The following DCLK2 variants were observed in gnomAD, a reference collection of about 807,000 sequenced individuals.
DCLK2 encodes serine/threonine-protein kinase DCLK2.
A neutral mutation model predicts 78.4 loss-of-function variants in DCLK2; 31 were observed. That is an observed-to-expected ratio of 0.40 (90% CI 0.30 to 0.53). The LOEUF is 0.53. Among genes scored for constraint, DCLK2 ranks in the 20% least tolerant of loss-of-function variants. DCLK2 has a pLI of 0.61. For synonymous variants in DCLK2, 407 were observed against 374.9 expected (o/e 1.09, Z -0.99); for missense variants, 872 against 973.7 (o/e 0.90, Z 1.39).
intron 2 of DCLK2, among the ~76,000 whole-genome samples, chr4:150,147,437 C>T (rs1734560868): frequency 6.6e-6 from 1 of 152,104 alleles, no homozygotes; most frequent in Non-Finnish European, 1.5e-5. Context: ...TGTGAAAGAC[C>T]AGACCAAAAT....
At chr4:150,157,953 C>T (rs537017928) in intron 2 of DCLK2, among the ~76,000 whole-genome samples, 74 of 152,272 alleles carry the variant, frequency 4.9e-4, no homozygotes, top group African/African-American at 1.6e-3. Flanking sequence ...TTTATTCTAA[C>T]GAGATAAATA....
intron 1 of DCLK2, among the ~76,000 whole-genome samples, chr4:150,082,559 A>G (rs1048434354): frequency 4.6e-5 from 7 of 152,210 alleles, no homozygotes; most frequent in Non-Finnish European, 8.8e-5. Context: ...CCTTCAATTT[A>G]TTGATTTATC....
chr4:150,221,549 A>C (rs1344063612), intron 6 of DCLK2, 128 bp from the exon 7 acceptor site: 1 of 583,772 alleles, frequency 1.7e-6, no homozygotes, highest in Non-Finnish European at 2.9e-6. Context: ...AAATGTGTGC[A>C]GATATTTTAT....
intron 3 of DCLK2, among the ~76,000 whole-genome samples, chr4:150,196,304 G>A (rs754958399): frequency 1.5e-4 from 23 of 152,126 alleles, no homozygotes; most frequent in Non-Finnish European, 3.1e-4. Flanking sequence ...TACATATCCT[G>A]CTCATATAAA....
At chr4:150,080,372 A>C (rs1228362819) in intron 1 of DCLK2, among the ~76,000 whole-genome samples, 1 of 152,202 alleles carries the variant, frequency 6.6e-6, no homozygotes, top group African/African-American at 2.4e-5. Flanking sequence ...GAATTCCTGC[A>C]ATACGTATGC....
intron 7 of DCLK2, among the ~76,000 whole-genome samples, chr4:150,223,066 C>T (rs1741320844): frequency 6.6e-6 from 1 of 152,036 alleles, no homozygotes; most frequent in Non-Finnish European, 1.5e-5. Context: ...TACAGTTTTT[C>T]TGTTTTGTTA....
At chr4:150,103,792 T>A (rs997107879) in intron 2 of DCLK2, among the ~76,000 whole-genome samples, 2 of 152,160 alleles carry the variant, frequency 1.3e-5, no homozygotes, top group African/African-American at 4.8e-5. Flanking sequence ...ATTAGCAATT[T>A]TTTAAAAATA....
chr4:150,130,918 G>C (rs1468111602), intron 2 of DCLK2, among the ~76,000 whole-genome samples: 1 of 152,022 alleles, frequency 6.6e-6, no homozygotes, highest in Non-Finnish European at 1.5e-5. Context: ...CTGGCTACAG[G>C]TCCTAGCACA....
chr4:150,182,642 C>T (rs1303413627), intron 2 of DCLK2, among the ~76,000 whole-genome samples: 1 of 152,020 alleles, frequency 6.6e-6, no homozygotes, highest in African/African-American at 2.4e-5. Flanking sequence ...TGATAGAAAA[C>T]TTATATGTAG....
chr4:150,108,148 TTAAAG>T (rs1372487671), intron 2 of DCLK2, among the ~76,000 whole-genome samples: 1 of 152,202 alleles, frequency 6.6e-6, no homozygotes, highest in African/African-American at 2.4e-5. Flanking sequence ...TATTCTCCAC[TTAAAG>T]TAATTTTATT....
intron 3 of DCLK2, among the ~76,000 whole-genome samples, chr4:150,197,579 C>A (rs1230306348): frequency 2.0e-5 from 3 of 151,980 alleles, no homozygotes; most frequent in Admixed American, 6.6e-5. Context: ...CATAGTGAAA[C>A]CCCGTCTCTA....
At chr4:150,130,161 G>A (rs1053283414) in intron 2 of DCLK2, among the ~76,000 whole-genome samples, 2 of 152,108 alleles carry the variant, frequency 1.3e-5, no homozygotes, top group Non-Finnish European at 2.9e-5. Context: ...GAGCTCAGAA[G>A]TCCTTAATAT....
chr4:150,220,741 C>T lies in DCLK2; in HGVS notation c.1095C>T (p.Asn365=), dbSNP rs775714892. 3.9e-5 allele frequency: 63 copies of T among 1,613,780 alleles called. No homozygotes were observed. The highest frequency in any genetic ancestry group is 2.3e-4 in the African/African-American group (17 of 74,924). ...ATGGCAGATCTTCTTCCAATGTAAA[C>T]GGTGGACCTGAGCTTGACCGTTGCA... The part of the protein sequence containing the change: ...SAHGRSSSNV[N]GGPELDRCIS... The change falls in exon 6 of 16, where the codon AAC becomes AAT. Residue 365 remains asparagine (N), a synonymous_variant. Coordinates refer to ENST00000296550, the MANE Select transcript of DCLK2 (RefSeq NM_001040260.4).
chr4:150,079,967 C>T (rs1729125411), intron 1 of DCLK2, among the ~76,000 whole-genome samples: 1 of 152,142 alleles, frequency 6.6e-6, no homozygotes, highest in African/African-American at 2.4e-5. Context: ...AGGGATGATC[C>T]TAGACAGCAG....
Position 150,169,724 on chromosome 4 carries a change from A to G in DCLK2, c.757-23414A>G, listed in dbSNP as rs181778392. Among the ~76,000 whole-genome samples the G allele has an allele frequency of 1.4e-4, 21 of 151,636 alleles. 1 individual carries two copies. The East Asian group carries it at 4.1e-3, about 29-fold the overall frequency. Reference sequence around the variant, plus strand: ...CAGTGTGGGCACACAGCATTTATGGATAGAAATAGAAGTAGGGTACAGAAA... The same window carrying G: ...CAGTGTGGGCACACAGCATTTATGGGTAGAAATAGAAGTAGGGTACAGAAA... On this transcript the variant is annotated intron_variant, in intron 2 of 15. Coordinates refer to ENST00000296550, the MANE Select transcript of DCLK2 (RefSeq NM_001040260.4).
chr4:150,105,665 A>G (rs935108605), intron 2 of DCLK2, among the ~76,000 whole-genome samples: 36 of 152,070 alleles, frequency 2.4e-4, no homozygotes, highest in African/African-American at 8.7e-4. Flanking sequence ...TACACATAAA[A>G]ATTTCATCCC....
intron 2 of DCLK2, among the ~76,000 whole-genome samples, chr4:150,140,124 T>C (rs1241557221): frequency 6.6e-6 from 1 of 152,146 alleles, no homozygotes; most frequent in East Asian, 1.9e-4. Flanking sequence ...TAGAATCTAA[T>C]TTTCCCTCCA....
At chr4:150,213,953 G>T (rs1740496173) in intron 5 of DCLK2, among the ~76,000 whole-genome samples, 1 of 152,160 alleles carries the variant, frequency 6.6e-6, no homozygotes, top group Non-Finnish European at 1.5e-5. Context: ...CTGTGGTGAT[G>T]GGCAAGTTAT....
intron 2 of DCLK2, among the ~76,000 whole-genome samples, chr4:150,179,089 G>A (rs989917204): frequency 6.6e-5 from 10 of 152,080 alleles, no homozygotes; most frequent in African/African-American, 1.2e-4. Flanking sequence ...GTGCAGTGGC[G>A]CGATCTCGGC....
Sources: gnomAD v4.1 joint callset for allele counts (sites outside exome capture counted in the v4.1 genomes callset) on GRCh38, gnomAD v4.1.1 for gene constraint, MANE v1.5 for transcripts, NCBI Gene and HGNC (gene_info 2026-07-23, HGNC 2026-07-21) for gene names.